EPC2: variants seen among roughly 807,000 people sequenced by gnomAD.
EPC2 encodes the protein enhancer of polycomb 2, also known as enhancer of polycomb homolog 2.
Under a neutral mutation model 92.1 loss-of-function variants are expected in EPC2, and 14 were observed. That is an observed-to-expected ratio of 0.15 (90% CI 0.10 to 0.24). The LOEUF (loss-of-function observed/expected upper bound fraction) is 0.24. Ranked by LOEUF, EPC2 falls within the 10% of genes least tolerant of loss-of-function variation. The pLI is 1.00. For synonymous variants in EPC2, 340 were observed against 334.7 expected (o/e 1.02, Z -0.17); for missense variants, 755 against 971.5 (o/e 0.78, Z 2.96).
At chr2:148,738,621 AGT>A (rs1682814682) in intron 2 of EPC2, among the ~76,000 whole-genome samples, 3 of 152,328 alleles carry the variant, frequency 2.0e-5, no homozygotes, top group Admixed American at 2.0e-4. Context: ...CTGGGTGTTG[AGT>A]GTGTATTGTC....
chr2:148,650,782 A>G (rs1483134967), intron 1 of EPC2, among the ~76,000 whole-genome samples: 1 of 152,182 alleles, frequency 6.6e-6, no homozygotes, highest in Non-Finnish European at 1.5e-5. Context: ...TGATACTGTA[A>G]AAACATGAAG....
chr2:148,742,065 T>C (rs1682888976), intron 2 of EPC2, among the ~76,000 whole-genome samples: 1 of 152,228 alleles, frequency 6.6e-6, no homozygotes, highest in South Asian at 2.1e-4. Context: ...CATGGGTCAA[T>C]GTCTTTTTCA....
chr2:148,666,304 C>T (rs974497543), intron 1 of EPC2, among the ~76,000 whole-genome samples: 5 of 152,068 alleles, frequency 3.3e-5, no homozygotes, highest in Admixed American at 2.6e-4. Context: ...CCATGCCTGG[C>T]TAATTTTTTG....
intron 2 of EPC2, among the ~76,000 whole-genome samples, chr2:148,701,853 G>T (rs1252914520): frequency 5.9e-5 from 9 of 152,060 alleles, no homozygotes; most frequent in Admixed American, 5.9e-4. Context: ...GAACTCATCT[G>T]GGACTGGTGT....
At chr2:148,737,898 C>T (rs1048373282) in intron 2 of EPC2, among the ~76,000 whole-genome samples, 1 of 151,954 alleles carries the variant, frequency 6.6e-6, no homozygotes, top group African/African-American at 2.4e-5. Flanking sequence ...CTGTCCTGGG[C>T]TGCATGCGGC....
intron 1 of EPC2, among the ~76,000 whole-genome samples, chr2:148,685,488 C>T (rs1681497497): frequency 6.6e-6 from 1 of 152,280 alleles, no homozygotes; most frequent in South Asian, 2.1e-4. Context: ...TGGCTGGGCA[C>T]GGTGGCTCAC....
At chr2:148,686,028 A>C (rs890697968) in intron 1 of EPC2, among the ~76,000 whole-genome samples, 10 of 152,344 alleles carry the variant, frequency 6.6e-5, no homozygotes, top group Admixed American at 2.0e-4. Flanking sequence ...TCTTATAATA[A>C]GACAATAGTG....
chr2:148,647,253 G>C (rs1264480831), intron 1 of EPC2, among the ~76,000 whole-genome samples: 1 of 152,310 alleles, frequency 6.6e-6, no homozygotes, highest in East Asian at 1.9e-4. Context: ...ATAACTTAGA[G>C]TAATTTTTTC....
At chr2:148,663,052 T>TA (rs1411017629) in intron 1 of EPC2, among the ~76,000 whole-genome samples, 2 of 151,492 alleles carry the variant, frequency 1.3e-5, no homozygotes, top group Admixed American at 6.6e-5. Flanking sequence ...TCAATATAGT[T>TA]AACTGTGGCT....
At chr2:148,675,265 C>T (rs915002172) in intron 1 of EPC2, among the ~76,000 whole-genome samples, 1 of 151,866 alleles carries the variant, frequency 6.6e-6, no homozygotes, top group Admixed American at 6.6e-5. Flanking sequence ...CTACCTCTGC[C>T]TTTTATGTTC....
intron 1 of EPC2, among the ~76,000 whole-genome samples, chr2:148,670,017 G>A (rs1385835131): frequency 1.3e-5 from 2 of 152,120 alleles, no homozygotes; most frequent in African/African-American, 4.8e-5. Flanking sequence ...GAGCTCCTGG[G>A]TTCTTTCTCC....
At position 148,753,844 on chromosome 2, in the gene EPC2, G is replaced by A. The variant is rs183245901; in HGVS notation, c.460-83G>A. 52 of 1,147,778 alleles carry A rather than the reference G, an allele frequency of 4.5e-5. 1 individual carries two copies. Among genetic ancestry groups the A allele is most frequent in the Middle Eastern group, 4.1e-4 (2 of 4,862 alleles). The allele number at this position is 1,147,778 out of a possible 1,614,324, so 71.1% of individuals were successfully genotyped here. A position where few individuals can be genotyped will look rare whatever the true frequency, so the allele number is the denominator to read the frequency against. On this transcript the variant is annotated intron_variant, in intron 3 of 13. Transcript: ENST00000258484. ...CTGTTAGTAGTTATTGAAACTGGTC[G>A]CATTTTTTTCTACAGCCATAAGCTA...
At chr2:148,771,514 T>C (rs4972266) in intron 10 of EPC2, 127 bp downstream of exon 10, 830,103 of 838,802 alleles carry the variant, frequency 0.99, 411,192 homozygotes, top group East Asian at 1. Flanking sequence ...TTCTGTTCTG[T>C]CTCACATTTT....
At chr2:148,749,955 G>A (rs147683753) in intron 3 of EPC2, among the ~76,000 whole-genome samples, 175 of 152,054 alleles carry the variant, frequency 1.2e-3, no homozygotes, top group African/African-American at 3.9e-3. Context: ...AAAAGATCAG[G>A]GGGTCATTCC....
chr2:148,700,149 A>C (rs193069217), intron 2 of EPC2, among the ~76,000 whole-genome samples: 394 of 152,200 alleles, frequency 2.6e-3, no homozygotes, highest in Non-Finnish European at 3.1e-3. Flanking sequence ...TGTATTTTGC[A>C]TATCTTCTTC....
intron 3 of EPC2, among the ~76,000 whole-genome samples, chr2:148,748,950 T>G (rs1268908107): frequency 6.6e-6 from 1 of 152,142 alleles, no homozygotes; most frequent in East Asian, 1.9e-4. Context: ...GCTATTTTAT[T>G]AAAAATTCAT....
At chr2:148,685,534 G>A (rs911734482) in intron 1 of EPC2, among the ~76,000 whole-genome samples, 7 of 152,216 alleles carry the variant, frequency 4.6e-5, no homozygotes, top group Non-Finnish European at 8.8e-5. Flanking sequence ...GCTGAGGTGG[G>A]CAGATCACGA....
intron 1 of EPC2, among the ~76,000 whole-genome samples, chr2:148,647,144 G>A (rs559677996): frequency 6.6e-5 from 10 of 152,246 alleles, no homozygotes; most frequent in Admixed American, 3.3e-4. Context: ...CTGTTCTAGA[G>A]TGAACAGTTA....
At position 148,786,159 on chromosome 2, in the gene EPC2, A is replaced by G. The variant is rs1017052028; in HGVS notation, c.2352-146A>G. The G allele has an allele frequency of 8.2e-6, 5 of 612,178 alleles. No homozygotes were observed. In the Admixed American group the frequency reaches 9.9e-5, roughly 12 times the overall value. 37.9% of individuals were successfully genotyped at this position (612,178 alleles called of 1,614,324 possible). On this transcript the variant is annotated intron_variant, in intron 13 of 13. Transcript: ENST00000258484. ...CTGAAGAAAAGTTTTTCTCATTCCT[A>G]TCTAGAAATGGCAAAAATGGGAATT...
Sources: allele counts gnomAD v4.1 joint callset (sites outside exome capture counted in the v4.1 genomes callset), GRCh38; gene constraint gnomAD v4.1.1; transcripts MANE v1.5; gene names NCBI Gene and HGNC (gene_info 2026-07-23, HGNC 2026-07-21).